The following ARHGAP27 variants were observed in gnomAD, a reference collection of about 807,000 sequenced individuals.
ARHGAP27 encodes the protein rho GTPase-activating protein 27.
In ARHGAP27, 53 loss-of-function variants were observed where a neutral mutation model predicts 102.0. That is an observed-to-expected ratio of 0.52 (90% CI 0.42 to 0.65). ARHGAP27 has a LOEUF of 0.65. ARHGAP27 is among the 30% of genes least tolerant of loss of function. ARHGAP27 has a pLI of 0.00. For synonymous variants in ARHGAP27, 525 were observed against 542.8 expected (o/e 0.97, Z 0.46); for missense variants, 1,117 against 1,256.2 (o/e 0.89, Z 1.68).
intron 4 of ARHGAP27, among the ~76,000 whole-genome samples, chr17:45,418,546 C>T (rs1447562993): frequency 1.3e-5 from 2 of 152,156 alleles, no homozygotes; most frequent in African/African-American, 2.4e-5. Context: ...CCCCCACCCC[C>T]GAAGTGTTAC....
intron 4 of ARHGAP27, among the ~76,000 whole-genome samples, chr17:45,412,257 C>A (rs188391489): frequency 7.7e-4 from 118 of 152,336 alleles, no homozygotes; most frequent in South Asian, 6.2e-3. Context: ...TTCCCTCCCC[C>A]CAGTGAGAGG....
intron 13 of ARHGAP27, chr17:45,397,409 A>G (rs1245592492): frequency 1.6e-6 from 1 of 612,746 alleles, no homozygotes; most frequent in African/African-American, 1.9e-5. Flanking sequence ...ACTGCCAACA[A>G]CTGCACCAAT....
chr17:45,422,439 G>A (rs2049127002), intron 4 of ARHGAP27, among the ~76,000 whole-genome samples: 1 of 151,708 alleles, frequency 6.6e-6, no homozygotes, highest in African/African-American at 2.4e-5. Context: ...ACAGTGATGT[G>A]ACATATACAA....
At chr17:45,398,075 C>A in intron 12 of ARHGAP27, 28 bp from the exon 13 acceptor site, 2 of 1,572,260 alleles carry the variant, frequency 1.3e-6, no homozygotes, top group Non-Finnish European at 1.7e-6. Flanking sequence ...AGTGGGTCAT[C>A]TCTGGTACCC....
chr17:45,397,328 T>G, intron 13 of ARHGAP27: 14 of 1,276,272 alleles, frequency 1.1e-5, no homozygotes, highest in Non-Finnish European at 1.4e-5. Flanking sequence ...CCTCAGCTCC[T>G]CTAACTGGGT....
Position 45,427,595 on chromosome 17 carries a change from GACTT to G in ARHGAP27, c.657+2024_657+2027del, listed in dbSNP as rs2049744819. ...GGGGCAGGGCCAACTCCCTACCCTG[GACTT>G]TGTTGGGGGTGGAGCACCAGGGAGA... On this transcript the variant is annotated intron_variant, in intron 4 of 19. Transcript: ENST00000685559. The surrounding 1 kb of genome is among the most constrained non-coding windows in gnomAD (Gnocchi z 4.5). Among the ~76,000 whole-genome samples the G allele has an allele frequency of 6.6e-6, 1 of 152,232 alleles. No homozygotes were observed. The highest frequency in any genetic ancestry group is 1.5e-5 in the Non-Finnish European group (1 of 68,036).
chr17:45,397,851 C>T, intron 13 of ARHGAP27, 98 bp downstream of exon 13: 1 of 1,058,862 alleles, frequency 9.4e-7, no homozygotes, highest in Non-Finnish European at 1.3e-6. Context: ...TTTGCATTAC[C>T]CACTGGTACC....
intron 4 of ARHGAP27, chr17:45,425,653 G>A: frequency 1.0e-6 from 1 of 985,370 alleles, no homozygotes; most frequent in South Asian, 4.7e-5. Context: ...GGGGCTGCTT[G>A]TATAAGAAGG....
chr17:45,403,918 A>T, intron 10 of ARHGAP27, 111 bp downstream of exon 10: 1 of 1,246,352 alleles, frequency 8.0e-7, no homozygotes, highest in Non-Finnish European at 1.1e-6. Context: ...ACAGAGGACC[A>T]CTCACGAAGT....
intron 4 of ARHGAP27, among the ~76,000 whole-genome samples, chr17:45,415,953 A>C (rs1466431738): frequency 6.6e-6 from 1 of 152,238 alleles, no homozygotes; most frequent in Non-Finnish European, 1.5e-5. Context: ...CATAGATGAC[A>C]CTAAGGAATT....
intron 4 of ARHGAP27, among the ~76,000 whole-genome samples, chr17:45,410,727 TG>T (rs977633938): frequency 3.3e-5 from 5 of 151,606 alleles, no homozygotes; most frequent in African/African-American, 1.2e-4. Context: ...GCTGGGGGCC[TG>T]GGCTGGCCTG....
Position 45,429,653 on chromosome 17 carries a change from G to T in ARHGAP27, c.627C>A (p.His209Gln). Residue 209 changes from histidine (H) to glutamine (Q), a missense_variant, in exon 4 of 20, where the codon CAC becomes CAA. His to Gln is a conservative substitution (Grantham distance 24). Transcript: ENST00000685559. ...ENVYEVIQDL[H>Q]VPPPEESAEQ... ...CTGCGCTCTCCTCCGGCGGCGGGAC[G>T]TGCAAGTCCTGGATGACCTCGTAGA... 1 of 1,581,326 alleles carries T rather than the reference G, an allele frequency of 6.3e-7. No homozygotes were observed.
At chr17:45,398,789 A>G (rs1008302279) in intron 12 of ARHGAP27, among the ~76,000 whole-genome samples, 1 of 150,998 alleles carries the variant, frequency 6.6e-6, no homozygotes, top group African/African-American at 2.4e-5. Context: ...ACCCCTGTCT[A>G]CTAGAAGCAA....
Position 45,429,681 on chromosome 17 carries a change from TTC to T in ARHGAP27, c.597_598del (p.Asn200ArgfsTer80). 1 of 1,575,216 alleles carries T rather than the reference TTC, an allele frequency of 6.3e-7. No individual in the cohort carries two copies. Among genetic ancestry groups the T allele is most frequent in the Non-Finnish European group, 8.6e-7 (1 of 1,160,276 alleles). ...CAAGTCCTGGATGACCTCGTAGACGTTCTCTGAGTCGCTGCGCGCCAGAGGCC... is the reference window on the plus strand; with the variant it reads ...CAAGTCCTGGATGACCTCGTAGACGTTCTGAGTCGCTGCGCGCCAGAGGCC... On this transcript the variant is annotated frameshift_variant, in exon 4 of 20. Transcript: ENST00000685559. LOFTEE classifies it high-confidence loss of function.
At chr17:45,424,646 T>C (rs55914643) in intron 4 of ARHGAP27, among the ~76,000 whole-genome samples, 21,000 of 151,298 alleles carry the variant, frequency 0.14, 1,751 homozygotes, top group Middle Eastern at 0.23. Flanking sequence ...ATATAATGGA[T>C]TTTGGGGACT....
At chr17:45,403,432 T>C (rs1368984639) in intron 11 of ARHGAP27, among the ~76,000 whole-genome samples, 187 bp downstream of exon 11, 1 of 152,176 alleles carries the variant, frequency 6.6e-6, no homozygotes, top group Non-Finnish European at 1.5e-5. Context: ...TGGTGGCACA[T>C]GCCTGTAGTC....
rs1274186165 is a variant in ARHGAP27 at position 45,404,688 on chromosome 17, G to A, written c.1249-7C>T. The stretch of plus-strand genomic sequence containing the variant: ...GGTCCTCCAGCCTCACCCACTGTGG[G>A]GAGAGGAATGGTCAGGGCCTCCAGC... On this transcript the variant is annotated splice_region_variant and splice_polypyrimidine_tract_variant and intron_variant, in intron 6 of 19. Transcript: ENST00000685559. 2.5e-6 allele frequency: 4 copies of A among 1,608,214 alleles called. No individual in the cohort carries two copies.
Position 45,427,918 on chromosome 17 carries a change from CTG to C in ARHGAP27, c.657+1703_657+1704del, listed in dbSNP as rs2145061483. Among the ~76,000 whole-genome samples the C allele has an allele frequency of 6.6e-6, 1 of 152,344 alleles. No homozygotes were observed. The highest frequency in any genetic ancestry group is 1.9e-4 in the East Asian group (1 of 5,190). On this transcript the variant is annotated intron_variant, in intron 4 of 19. Transcript: ENST00000685559. The surrounding 1 kb of genome is among the most constrained non-coding windows in gnomAD (Gnocchi z 4.5). Reference sequence around the variant, plus strand: ...CAGGCGCCCTGGCAGCCGGGGTGATCTGTCTTCTCAGGAGATGTCAGGACCTG... The same window carrying C: ...CAGGCGCCCTGGCAGCCGGGGTGATCTCTTCTCAGGAGATGTCAGGACCTG...
chr17:45,423,450 C>T (rs115393796), intron 4 of ARHGAP27, among the ~76,000 whole-genome samples: 1,772 of 152,232 alleles, frequency 0.012, 20 homozygotes, highest in African/African-American at 0.035. Flanking sequence ...GTTTCATGAG[C>T]GGGAACTGTA....
Sources: gnomAD v4.1 joint callset for allele counts (sites outside exome capture counted in the v4.1 genomes callset) on GRCh38, gnomAD v4.1.1 for gene constraint, Gnocchi (gnomAD v3.1) non-coding constraint, MANE v1.5 for transcripts, NCBI Gene and HGNC (gene_info 2026-07-23, HGNC 2026-07-21) for gene names.